Variants in ARID1B observed in about 807,000 individuals in gnomAD.
ARID1B encodes AT-rich interactive domain-containing protein 1B.
A neutral mutation model predicts 212.3 loss-of-function variants in ARID1B; 30 were observed. That is an observed-to-expected ratio of 0.14 (90% CI 0.11 to 0.19). The LOEUF (loss-of-function observed/expected upper bound fraction) is 0.19, where lower values mean the gene tolerates loss of function less well. ARID1B is among the 10% of genes least tolerant of loss of function. The pLI is 1.00. For synonymous variants in ARID1B, 1,402 were observed against 1,301.7 expected (o/e 1.08, Z -1.66); for missense variants, 2,891 against 3,204.0 (o/e 0.90, Z 2.36).
At chr6:157,054,774 A>G (rs1782834669) in intron 4 of ARID1B, among the ~76,000 whole-genome samples, 1 of 152,368 alleles carries the variant, frequency 6.6e-6, no homozygotes, top group South Asian at 2.1e-4. Flanking sequence ...GAAATCTTTG[A>G]AAATGATGCA....
rs74505869 is a variant in ARID1B at position 157,006,886 on chromosome 6, T to C, written c.2247+71310T>C. ...ACGTGGAAGTAATCCTAAATTACTC[T>C]TCCTTAAATGGAAATGTTATCAGTT... On this transcript the variant is annotated intron_variant, in intron 4 of 19. Coordinates refer to ENST00000636930, the MANE Select transcript of ARID1B (RefSeq NM_001374828.1). Among the ~76,000 whole-genome samples, 675 of 152,380 alleles carry C rather than the reference T, an allele frequency of 4.4e-3. 6 individuals are homozygous for C. The highest frequency in any genetic ancestry group is 0.015 in the African/African-American group (643 of 41,582).
chr6:156,928,636 C>T (rs1047474586), intron 3 of ARID1B, among the ~76,000 whole-genome samples: 35 of 152,148 alleles, frequency 2.3e-4, no homozygotes, highest in African/African-American at 8.4e-4. Flanking sequence ...GAGGGGCCCC[C>T]ATTCTTAAAG....
rs780312215 is a variant in ARID1B, at chr6:157,148,747, G to A, written c.2885G>A (p.Gly962Asp). 10 of 1,613,142 alleles carry A rather than the reference G, an allele frequency of 6.2e-6. No homozygotes were observed. The highest frequency in any genetic ancestry group is 5.3e-5 in the African/African-American group (4 of 74,938). ...GGACAAGGGCCAAGCCAGCCATGTG[G>A]TGCTGTGCCCCTGGGACGAATGCCA... is the stretch of plus-strand genomic sequence containing the variant. ...MHGQGPSQPC[G>D]AVPLGRMPSA... The change falls in exon 8 of 20, where the codon GGT becomes GAT. Residue 962 changes from glycine to aspartate, a missense_variant. Gly to Asp is a moderately conservative substitution (Grantham distance 94, BLOSUM62 -1). This residue lies in a region of ARID1B where 1,643 missense variants were observed against 1,544.0 expected (regional missense o/e 1.06). Transcript: ENST00000636930. This position sits in a 1 kb window ranked among gnomAD's most constrained non-coding sequence, Gnocchi z 5.6.
chr6:157,147,190 C>G (rs1316164686), intron 7 of ARID1B, among the ~76,000 whole-genome samples: 1 of 151,200 alleles, frequency 6.6e-6, no homozygotes, highest in African/African-American at 2.4e-5. Flanking sequence ...CAACTGCCAT[C>G]CCTCACCCCC....
At chr6:156,825,124 C>T (rs1249724818) in intron 1 of ARID1B, among the ~76,000 whole-genome samples, 1 of 152,156 alleles carries the variant, frequency 6.6e-6, no homozygotes, top group East Asian at 1.9e-4. Context: ...CTCAGCCTCC[C>T]GAAGTGCTGG....
At chr6:156,973,294 A>G (rs1406127703) in intron 4 of ARID1B, among the ~76,000 whole-genome samples, 1 of 152,282 alleles carries the variant, frequency 6.6e-6, no homozygotes, top group South Asian at 2.1e-4. Context: ...ATTTTTTGGT[A>G]ACAGCGAGTT....
chr6:157,099,167 C>T (rs1227874665), intron 5 of ARID1B, among the ~76,000 whole-genome samples: 4 of 152,082 alleles, frequency 2.6e-5, no homozygotes, highest in Non-Finnish European at 5.9e-5. Context: ...AGGCTAGTCT[C>T]GAACTCCTGA....
At chr6:157,140,539 A>G (rs1025325132) in intron 7 of ARID1B, 1 of 398,356 alleles carries the variant, frequency 2.5e-6, no homozygotes, top group African/African-American at 2.1e-5. Context: ...CAGTTGTCCA[A>G]CCATAGTTAC....
chr6:157,198,592 A>C (rs1793897192), intron 16 of ARID1B: 2 of 534,052 alleles, frequency 3.7e-6, no homozygotes, highest in Non-Finnish European at 6.7e-6. Context: ...CCAACAGCCC[A>C]AACTAGGAGC....
chr6:157,090,352 G>A (rs899645116), intron 5 of ARID1B, among the ~76,000 whole-genome samples: 5 of 152,200 alleles, frequency 3.3e-5, no homozygotes, highest in African/African-American at 1.2e-4. Context: ...TCTAAGGATA[G>A]TAACTGAAAA....
chr6:156,974,708 T>C (rs1166405669), intron 4 of ARID1B, among the ~76,000 whole-genome samples: 2 of 152,204 alleles, frequency 1.3e-5, no homozygotes, highest in Non-Finnish European at 2.9e-5. Flanking sequence ...CAATAGAATT[T>C]ATTAGCTGTT....
rs532405636 is a variant in ARID1B at position 156,984,177 on chromosome 6, C to G, written c.2247+48601C>G. Among the ~76,000 whole-genome samples, 44 of 152,088 alleles carry G rather than the reference C, an allele frequency of 2.9e-4. 1 individual carries two copies. The highest frequency in any genetic ancestry group is 8.3e-4 in the South Asian group (4 of 4,812). ...GTCTCCAGGAGGTATCAGGACAAAC[C>G]TTGGAGATGGGAAACAGCACAGCAA... On this transcript the variant is annotated intron_variant, in intron 4 of 19. Coordinates refer to ENST00000636930, the MANE Select transcript of ARID1B (RefSeq NM_001374828.1).
rs2128393110 is a variant in ARID1B at position 157,206,544 on chromosome 6, C to T, written c.5772C>T (p.Asp1924=). Residue 1924 remains aspartate, a synonymous_variant, in exon 20 of 20, where the codon GAC becomes GAT. Transcript: ENST00000636930. The surrounding 1 kb of genome is among the most constrained non-coding windows in gnomAD (Gnocchi z 6.8). The part of the protein sequence containing the change: ...IVKKNNLFVV[D]RSDKLGRVQE... ...AAAAGAACAACCTGTTTGTTGTTGACCGATCTGACAAGTTGGGGCGTGTGC... is the reference window on the plus strand; with the variant it reads ...AAAAGAACAACCTGTTTGTTGTTGATCGATCTGACAAGTTGGGGCGTGTGC... The T allele has an allele frequency of 1.9e-6, 3 of 1,614,174 alleles. No individual in the cohort carries two copies. Among genetic ancestry groups the T allele is most frequent in the African/African-American group, 1.3e-5 (1 of 75,040 alleles).
chr6:157,183,203 C>T lies in ARID1B; in HGVS notation c.3715-1028C>T, dbSNP rs772505660. 7.9e-5 allele frequency among the ~76,000 whole-genome samples: 12 copies of T among 152,146 alleles called. 1 individual carries two copies. In the South Asian group the frequency reaches 1.0e-3, roughly 13 times the overall value. Reference sequence around the variant, plus strand: ...TTCCTTCTTAGGTCACACTGAGCAGCGCCCAGCTTGCCATTTCTGAAGTAA... The same window carrying T: ...TTCCTTCTTAGGTCACACTGAGCAGTGCCCAGCTTGCCATTTCTGAAGTAA... On this transcript the variant is annotated intron_variant, in intron 12 of 19. Transcript: ENST00000636930.
chr6:156,780,442 C>G (rs1431130540), intron 1 of ARID1B: 1 of 152,230 alleles, frequency 6.6e-6, no homozygotes, highest in East Asian at 1.9e-4. Context: ...TAGGCTGAGC[C>G]TAAAGACTGA....
At chr6:156,881,548 T>A (rs1162992337) in intron 2 of ARID1B, among the ~76,000 whole-genome samples, 1 of 152,232 alleles carries the variant, frequency 6.6e-6, no homozygotes, top group Non-Finnish European at 1.5e-5. Context: ...CGGTTTTGCA[T>A]CATTCCTTCT....
rs1417249982 is a variant in ARID1B at position 157,208,642 on chromosome 6, A to AT, written c.*759dup. On this transcript the variant is annotated 3_prime_UTR_variant, in exon 20 of 20. Transcript: ENST00000636930. ...CAATTCCTTTCATCATTTTTTAAAT[A>AT]TTTTTTTTACTGCCTATGGGCTGTG... is the stretch of plus-strand genomic sequence containing the variant. The AT allele has an allele frequency of 7.1e-5, 16 of 224,530 alleles. No individual in the cohort carries two copies. In the South Asian group the frequency reaches 7.4e-4, roughly 10 times the overall value. 13.9% of individuals were successfully genotyped at this position (224,530 alleles called of 1,614,324 possible).
chr6:156,973,687 T>G (rs1777072196), intron 4 of ARID1B, among the ~76,000 whole-genome samples: 1 of 152,212 alleles, frequency 6.6e-6, no homozygotes, highest in Non-Finnish European at 1.5e-5. Flanking sequence ...TCAGGAGAAC[T>G]GAGACTTGAT....
intron 1 of ARID1B, among the ~76,000 whole-genome samples, chr6:156,806,184 G>GC (rs1303530192): frequency 6.6e-6 from 1 of 152,172 alleles, no homozygotes; most frequent in Non-Finnish European, 1.5e-5. Flanking sequence ...CTGGAAGGGT[G>GC]CGTTGCCCAG....
Sources: allele counts gnomAD v4.1 joint callset (sites outside exome capture counted in the v4.1 genomes callset), GRCh38; gene constraint gnomAD v4.1.1; regional missense constraint gnomAD v4.1.1; non-coding constraint Gnocchi (gnomAD v3.1); transcripts MANE v1.5; gene names NCBI Gene and HGNC (gene_info 2026-07-23, HGNC 2026-07-21).